Variants in USP15 observed in about 807,000 individuals in gnomAD.
USP15 encodes ubiquitin specific peptidase 15.
A neutral mutation model predicts 127.1 loss-of-function variants in USP15; 18 were observed. The ratio of observed to expected loss-of-function variants is 0.14; its 90% CI spans 0.10 to 0.21. USP15 has a LOEUF of 0.21. Ranked by LOEUF, USP15 falls within the 10% of genes least tolerant of loss-of-function variation. USP15 has a pLI of 1.00. For synonymous variants in USP15, 364 were observed against 393.7 expected (o/e 0.92, Z 0.89); for missense variants, 805 against 1,159.9 (o/e 0.69, Z 4.44).
chr12:62,379,334 T>C lies in USP15; in HGVS notation c.916-2156T>C, dbSNP rs550860919. On this transcript the variant is annotated intron_variant, in intron 8 of 21. Coordinates refer to ENST00000280377, the MANE Select transcript of USP15 (RefSeq NM_001252078.2). ...AAAAGAAAAGGGTATTGACAAAGGA[T>C]GAGGCTACATAGATGAGCAAAAGAC... Among the ~76,000 whole-genome samples, 301 of 152,066 alleles carry C rather than the reference T, an allele frequency of 2.0e-3. 1 individual carries two copies. Among genetic ancestry groups the C allele is most frequent in the Non-Finnish European group, 3.3e-3 (223 of 67,958 alleles).
At chr12:62,326,434 C>T (rs1380115910) in intron 6 of USP15, among the ~76,000 whole-genome samples, 2 of 152,126 alleles carry the variant, frequency 1.3e-5, no homozygotes, top group African/African-American at 4.8e-5. Flanking sequence ...TAGATCTACA[C>T]TCCATTATCA....
chr12:62,335,530 T>C, intron 6 of USP15: 2 of 1,112,306 alleles, frequency 1.8e-6, no homozygotes, highest in East Asian at 5.4e-5. Flanking sequence ...CTTTTTCTTT[T>C]ATTATCTCCT....
chr12:62,362,960 C>T (rs2066362043), intron 8 of USP15, among the ~76,000 whole-genome samples: 1 of 151,976 alleles, frequency 6.6e-6, no homozygotes, highest in South Asian at 2.1e-4. Context: ...AAAACATGTG[C>T]AAAGCCACTA....
At chr12:62,293,578 A>T (rs1402565353) in intron 1 of USP15, among the ~76,000 whole-genome samples, 1 of 151,358 alleles carries the variant, frequency 6.6e-6, no homozygotes, top group Non-Finnish European at 1.5e-5. Flanking sequence ...CTGGTCTTGA[A>T]CTCCTGACCT....
At chr12:62,341,229 G>C (rs892299469) in intron 6 of USP15, among the ~76,000 whole-genome samples, 1 of 150,960 alleles carries the variant, frequency 6.6e-6, no homozygotes, top group Non-Finnish European at 1.5e-5. Flanking sequence ...CCATTTGCTT[G>C]GTAAGTACTC....
chr12:62,307,412 C>T (rs1417929900), intron 3 of USP15, among the ~76,000 whole-genome samples: 2 of 152,080 alleles, frequency 1.3e-5, no homozygotes, highest in African/African-American at 4.8e-5. Flanking sequence ...CCATTGATTC[C>T]TTTGTACGTC....
intron 3 of USP15, chr12:62,305,022 TAGAG>T (rs1184473644): frequency 1.7e-5 from 3 of 174,872 alleles, no homozygotes; most frequent in East Asian, 1.6e-4. Flanking sequence ...GTCTAAAGCT[TAGAG>T]AGACAAAAGA....
intron 1 of USP15, among the ~76,000 whole-genome samples, chr12:62,286,860 C>G (rs1325841856): frequency 6.6e-6 from 1 of 151,728 alleles, no homozygotes; most frequent in Non-Finnish European, 1.5e-5. Context: ...TCGCTTGAAC[C>G]CGGGAGGTGG....
chr12:62,335,891 C>T (rs1223952769), intron 6 of USP15: 9 of 985,260 alleles, frequency 9.1e-6, no homozygotes, highest in African/African-American at 1.7e-5. Context: ...ATGCATGATA[C>T]GACCTTTTAT....
At chr12:62,321,708 C>G (rs1183239570) in intron 5 of USP15, 99 bp downstream of exon 5, 1 of 989,038 alleles carries the variant, frequency 1.0e-6, no homozygotes, top group Non-Finnish European at 1.3e-6. Context: ...TGTACTGTTT[C>G]TGGCTTCCTC....
intron 4 of USP15, chr12:62,315,129 T>C: frequency 2.6e-6 from 1 of 385,472 alleles, no homozygotes; most frequent in Non-Finnish European, 4.2e-6. Context: ...TGTGCTGTTT[T>C]GCTTTTTTAT....
chr12:62,343,382 G>C (rs1299221485), intron 6 of USP15, among the ~76,000 whole-genome samples: 1 of 152,172 alleles, frequency 6.6e-6, no homozygotes, highest in Non-Finnish European at 1.5e-5. Flanking sequence ...GAGACCACTT[G>C]GCTCCCTGGC....
intron 19 of USP15, among the ~76,000 whole-genome samples, chr12:62,395,021 T>C (rs756018577): frequency 6.6e-6 from 1 of 152,124 alleles, no homozygotes; most frequent in Non-Finnish European, 1.5e-5. Flanking sequence ...AATGATAGAT[T>C]TTGATTAGTC....
intron 7 of USP15, among the ~76,000 whole-genome samples, chr12:62,349,855 G>T (rs1233923034): frequency 6.6e-6 from 1 of 151,778 alleles, no homozygotes; most frequent in Non-Finnish European, 1.5e-5. Flanking sequence ...GAAAGTCAAG[G>T]TTACACAGCT....
chr12:62,303,389 TGTA>T (rs2064375958), intron 3 of USP15: 1 of 153,024 alleles, frequency 6.5e-6, no homozygotes, highest in African/African-American at 2.4e-5. Flanking sequence ...ATTTTAAAAT[TGTA>T]GTCTAGAAAC....
intron 1 of USP15, among the ~76,000 whole-genome samples, chr12:62,287,779 G>T (rs2063826799): frequency 6.6e-6 from 1 of 152,072 alleles, no homozygotes; most frequent in Non-Finnish European, 1.5e-5. Flanking sequence ...ATAGTGAGAA[G>T]TAGGGGCCCA....
intron 1 of USP15, among the ~76,000 whole-genome samples, chr12:62,289,028 G>T (rs1042370143): frequency 4.6e-5 from 7 of 152,080 alleles, no homozygotes; most frequent in Non-Finnish European, 8.8e-5. Flanking sequence ...ATATTCATCA[G>T]GAGATATTGA....
At chr12:62,368,942 C>G (rs1226986440) in intron 8 of USP15, among the ~76,000 whole-genome samples, 2 of 152,094 alleles carry the variant, frequency 1.3e-5, no homozygotes, top group African/African-American at 4.8e-5. Context: ...GTGGCTGGTA[C>G]TGGTTGTTCT....
chr12:62,312,930 CT>C (rs1206755750), intron 3 of USP15, among the ~76,000 whole-genome samples: 4 of 151,362 alleles, frequency 2.6e-5, no homozygotes, highest in African/African-American at 9.7e-5. Flanking sequence ...AATTATTTTT[CT>C]TTTTATGGTG....
Sources: allele counts gnomAD v4.1 joint callset (sites outside exome capture counted in the v4.1 genomes callset), GRCh38; gene constraint gnomAD v4.1.1; transcripts MANE v1.5; gene names NCBI Gene and HGNC (gene_info 2026-07-23, HGNC 2026-07-21).